PRTG: variants seen among roughly 807,000 people sequenced by gnomAD.
PRTG encodes the protein protogenin.
PRTG carries 67 observed loss-of-function variants against 122.5 expected under a neutral mutation model. The observed-to-expected ratio is 0.55, with a 90% CI of 0.45 to 0.67. PRTG has a LOEUF of 0.67. Ranked by LOEUF, PRTG falls within the 30% of genes least tolerant of loss-of-function variation. PRTG has a pLI of 0.00. For missense variants in PRTG, 1,435 were observed against 1,415.4 expected, an observed-to-expected ratio of 1.01 and a Z score of -0.22; for synonymous variants, 554 against 501.1, an observed-to-expected ratio of 1.11 and a Z score of -1.41.
chr15:55,687,319 C>T (rs551177946), intron 2 of PRTG, among the ~76,000 whole-genome samples: 1 of 152,230 alleles, frequency 6.6e-6, no homozygotes, highest in South Asian at 2.1e-4. Context: ...TCTATCCCTC[C>T]CATACCAAAG....
At chr15:55,624,073 TCTAA>T (rs1262198014) in intron 18 of PRTG, among the ~76,000 whole-genome samples, 11 of 152,238 alleles carry the variant, frequency 7.2e-5, no homozygotes, top group African/African-American at 1.2e-4. Flanking sequence ...TATAATCTCA[TCTAA>T]CTGAGATTAT....
At chr15:55,665,241 C>G (rs1199878156) in intron 11 of PRTG, among the ~76,000 whole-genome samples, 2 of 151,850 alleles carry the variant, frequency 1.3e-5, no homozygotes, top group African/African-American at 4.8e-5. Context: ...GCCTGGGTGA[C>G]AGAGCGAGAC....
chr15:55,729,385 C>T (rs750112814), intron 2 of PRTG, among the ~76,000 whole-genome samples: 1 of 151,924 alleles, frequency 6.6e-6, no homozygotes, highest in Admixed American at 6.6e-5. Flanking sequence ...TGACTGCTAT[C>T]GAACACAGCT....
At position 55,614,494 on chromosome 15, in the gene PRTG, C is replaced by T. The variant is rs1318062992; in HGVS notation, c.*5518G>A. 5.3e-5 allele frequency: 8 copies of T among 152,022 alleles called. No homozygotes were observed. The highest frequency in any genetic ancestry group is 1.0e-4 in the Non-Finnish European group (7 of 67,956). 9.4% of individuals were successfully genotyped at this position (152,022 alleles called of 1,614,324 possible). A position where few individuals can be genotyped will look rare whatever the true frequency, so the allele number is the denominator to read the frequency against. On this transcript the variant is annotated 3_prime_UTR_variant, in exon 20 of 20. Transcript: ENST00000389286. ...TGGTCCTGTTCATCACTCTGAGTTC[C>T]TGTGTTTTGAGGTCTTCCCCCAACT...
intron 11 of PRTG, among the ~76,000 whole-genome samples, chr15:55,662,862 G>C (rs1410760248): frequency 6.6e-6 from 1 of 152,208 alleles, no homozygotes; most frequent in Non-Finnish European, 1.5e-5. Context: ...AAGCCAGAGA[G>C]ACGCTGGTCC....
intron 2 of PRTG, among the ~76,000 whole-genome samples, chr15:55,698,972 A>G (rs1304714547): frequency 6.6e-6 from 1 of 152,106 alleles, no homozygotes; most frequent in Non-Finnish European, 1.5e-5. Context: ...TAGAAAACAA[A>G]ACAAAACAAA....
chr15:55,652,867 A>G (rs1245549497), intron 11 of PRTG, among the ~76,000 whole-genome samples: 2 of 152,148 alleles, frequency 1.3e-5, no homozygotes, highest in African/African-American at 2.4e-5. Flanking sequence ...TCTTTGTCTC[A>G]TATCGTCAAA....
chr15:55,622,996 C>CA, intron 18 of PRTG, among the ~76,000 whole-genome samples: 1 of 151,988 alleles, frequency 6.6e-6, no homozygotes. Flanking sequence ...TTCATATTTA[C>CA]CTATAATATG....
chr15:55,734,946 T>C (rs1447733648), intron 2 of PRTG, among the ~76,000 whole-genome samples: 1 of 152,240 alleles, frequency 6.6e-6, no homozygotes, highest in Non-Finnish European at 1.5e-5. Flanking sequence ...AATTGTTTAC[T>C]GTGAGCTTGC....
In PRTG at chr15:55,639,884, G is replaced by C; in HGVS notation, c.2138-56C>G. 5 of 1,584,336 alleles carry C rather than the reference G, an allele frequency of 3.2e-6. No homozygotes were observed. The Middle Eastern group carries it at 5.2e-4, about 165-fold the overall frequency. On this transcript the variant is annotated intron_variant, in intron 12 of 19. Transcript: ENST00000389286. ...ACGACATAACATTTTAACATAGAAA[G>C]TGGTAAAATGGTAAAATAATAATAT... is the stretch of plus-strand genomic sequence containing the variant.
intron 2 of PRTG, among the ~76,000 whole-genome samples, chr15:55,716,822 G>GT (rs2030617313): frequency 6.6e-6 from 1 of 152,026 alleles, no homozygotes; most frequent in Non-Finnish European, 1.5e-5. Flanking sequence ...ACAAAACTAT[G>GT]TATCACACAT....
intron 2 of PRTG, among the ~76,000 whole-genome samples, chr15:55,699,154 A>G (rs1325770606): frequency 6.6e-6 from 1 of 152,242 alleles, no homozygotes; most frequent in Non-Finnish European, 1.5e-5. Context: ...CATTTAAAAA[A>G]TGACCCAACT....
intron 2 of PRTG, among the ~76,000 whole-genome samples, chr15:55,726,564 G>C (rs1439183471): frequency 2.6e-5 from 4 of 151,784 alleles, no homozygotes; most frequent in Non-Finnish European, 5.9e-5. Context: ...CCCGGGAGGT[G>C]GAGGTTACAG....
intron 15 of PRTG, among the ~76,000 whole-genome samples, chr15:55,636,800 T>A (rs955706677): frequency 6.6e-6 from 1 of 152,000 alleles, no homozygotes; most frequent in Admixed American, 6.6e-5. Context: ...GCGCCTGCCA[T>A]CACACCCAGC....
In PRTG at chr15:55,616,845, A is replaced by G. The variant is rs1414033443; in HGVS notation, c.*3167T>C. ...TTTTGCTACTAAAGCTAGATTCTCT[A>G]TCGGCCTCTAAATAAATTTATTTCA... On this transcript the variant is annotated 3_prime_UTR_variant, in exon 20 of 20. Transcript: ENST00000389286. 1 of 152,124 alleles carries G rather than the reference A, an allele frequency of 6.6e-6. No homozygotes were observed. The highest frequency in any genetic ancestry group is 1.9e-4 in the East Asian group (1 of 5,190). The allele number at this position is 152,124 out of a possible 1,614,324, so 9.4% of individuals were successfully genotyped here.
intron 2 of PRTG, among the ~76,000 whole-genome samples, chr15:55,729,598 A>T (rs1011741): frequency 0.027 from 4,147 of 151,742 alleles, 203 homozygotes; most frequent in African/African-American, 0.095. Context: ...AAAAAAAATA[A>T]AATAAAATAA....
chr15:55,638,204 T>C (rs192583435), intron 14 of PRTG, among the ~76,000 whole-genome samples: 3 of 152,350 alleles, frequency 2.0e-5, no homozygotes, highest in Admixed American at 6.5e-5. Flanking sequence ...AACTTCATTA[T>C]AACGTTGGCT....
intron 11 of PRTG, among the ~76,000 whole-genome samples, chr15:55,654,784 C>T (rs1211738884): frequency 6.6e-6 from 1 of 152,158 alleles, no homozygotes; most frequent in African/African-American, 2.4e-5. Flanking sequence ...AATAAATTTC[C>T]TCCCAGGACT....
At chr15:55,672,231 T>C (rs748639735) in intron 11 of PRTG, among the ~76,000 whole-genome samples, 14 of 152,150 alleles carry the variant, frequency 9.2e-5, no homozygotes, top group Non-Finnish European at 1.3e-4. Context: ...GATAGAAAGA[T>C]ACAATGGCTG....
Sources: allele counts gnomAD v4.1 joint callset (sites outside exome capture counted in the v4.1 genomes callset), GRCh38; gene constraint gnomAD v4.1.1; transcripts MANE v1.5; gene names NCBI Gene and HGNC (gene_info 2026-07-23, HGNC 2026-07-21).